The following ADK variants were observed in gnomAD, a reference collection of about 807,000 sequenced individuals.
ADK encodes adenosine kinase, also known as N6,N6-dimethyladenosine kinase.
ADK carries 24 observed loss-of-function variants against 44.7 expected under a neutral mutation model. That is an observed-to-expected ratio of 0.54 (90% CI 0.39 to 0.76). The LOEUF (loss-of-function observed/expected upper bound fraction) is 0.76, where lower values mean the gene tolerates loss of function less well. ADK is among the 30% of genes least tolerant of loss of function. The pLI is 0.00. For synonymous variants in ADK, 128 were observed against 142.6 expected, an observed-to-expected ratio of 0.90 and a Z score of 0.73; for missense variants, 321 against 425.1, an observed-to-expected ratio of 0.76 and a Z score of 2.15.
chr10:74,590,395 T>C (rs1851676530), intron 8 of ADK, among the ~76,000 whole-genome samples: 1 of 152,136 alleles, frequency 6.6e-6, no homozygotes, highest in South Asian at 2.1e-4. Flanking sequence ...TTTGTGAAAC[T>C]CTTTTTAAAT....
intron 1 of ADK, among the ~76,000 whole-genome samples, chr10:74,196,573 A>G (rs529470122): frequency 2.0e-5 from 3 of 152,164 alleles, no homozygotes; most frequent in Non-Finnish European, 4.4e-5. Context: ...AATCTTTTCT[A>G]TATTACAGTT....
chr10:74,388,418 T>C (rs552106096), intron 4 of ADK, among the ~76,000 whole-genome samples: 1 of 152,338 alleles, frequency 6.6e-6, no homozygotes, highest in South Asian at 2.1e-4. Flanking sequence ...AGAGTTTGGT[T>C]GGGATTGCAT....
intron 3 of ADK, among the ~76,000 whole-genome samples, chr10:74,262,042 G>A (rs891532413): frequency 1.3e-5 from 2 of 152,092 alleles, no homozygotes; most frequent in Admixed American, 1.3e-4. Context: ...TCATGGGCCG[G>A]GTGTGGTGGC....
At chr10:74,223,465 T>C (rs953447359) in intron 2 of ADK, among the ~76,000 whole-genome samples, 1 of 152,194 alleles carries the variant, frequency 6.6e-6, no homozygotes, top group African/African-American at 2.4e-5. Flanking sequence ...TTAAAGGTAC[T>C]TGTGAAAGAG....
chr10:74,669,205 C>G (rs1385693012), intron 9 of ADK, among the ~76,000 whole-genome samples: 1 of 151,786 alleles, frequency 6.6e-6, no homozygotes, highest in East Asian at 1.9e-4. Flanking sequence ...TGAAGATTCT[C>G]TATGCTCTTT....
intron 9 of ADK, among the ~76,000 whole-genome samples, chr10:74,669,496 C>CT (rs1246499816): frequency 6.6e-6 from 1 of 152,214 alleles, no homozygotes; most frequent in African/African-American, 2.4e-5. Flanking sequence ...CTGGTCCAGA[C>CT]TACTCTAGGG....
chr10:74,622,399 T>A (rs891513105), intron 9 of ADK, among the ~76,000 whole-genome samples: 1 of 152,196 alleles, frequency 6.6e-6, no homozygotes, highest in African/African-American at 2.4e-5. Flanking sequence ...TTTGACTACC[T>A]TGTCAGCTCT....
At chr10:74,366,335 A>G (rs1207318185) in intron 4 of ADK, among the ~76,000 whole-genome samples, 2 of 152,198 alleles carry the variant, frequency 1.3e-5, no homozygotes, top group East Asian at 3.9e-4. Context: ...CTAAAATGCA[A>G]TTAATAAAAG....
At chr10:74,385,143 A>G (rs1351315509) in intron 4 of ADK, among the ~76,000 whole-genome samples, 2 of 152,218 alleles carry the variant, frequency 1.3e-5, no homozygotes, top group Admixed American at 1.3e-4. Flanking sequence ...ACTGAATTGT[A>G]TATTTTAAAG....
At chr10:74,189,205 A>AT (rs1564581486) in intron 1 of ADK, among the ~76,000 whole-genome samples, 2 of 151,930 alleles carry the variant, frequency 1.3e-5, no homozygotes, top group African/African-American at 4.8e-5. Flanking sequence ...TTCCATTGTG[A>AT]TTTTTCTGGT....
chr10:74,677,364 C>T (rs1589361890), intron 10 of ADK, among the ~76,000 whole-genome samples: 1 of 152,170 alleles, frequency 6.6e-6, no homozygotes, highest in East Asian at 1.9e-4. Context: ...CATGTGGCAC[C>T]TATCTATACT....
chr10:74,283,345 A>G (rs1327553398), intron 3 of ADK, among the ~76,000 whole-genome samples: 2 of 151,210 alleles, frequency 1.3e-5, no homozygotes, highest in Non-Finnish European at 2.9e-5. Context: ...GCTTCTTCCT[A>G]GTTTGACTTT....
intron 4 of ADK, among the ~76,000 whole-genome samples, chr10:74,323,274 T>C (rs1317414603): frequency 6.6e-6 from 1 of 152,240 alleles, no homozygotes; most frequent in Admixed American, 6.5e-5. Flanking sequence ...CAGACTTTTC[T>C]GAAAGAGTCT....
chr10:74,511,344 G>A (rs1848315746), intron 6 of ADK, among the ~76,000 whole-genome samples: 1 of 152,130 alleles, frequency 6.6e-6, no homozygotes, highest in South Asian at 2.1e-4. Context: ...CAGCTATTCA[G>A]GGTTTTCTAT....
chr10:74,311,822 T>C (rs1840441891), intron 3 of ADK, among the ~76,000 whole-genome samples: 1 of 152,190 alleles, frequency 6.6e-6, no homozygotes, highest in Non-Finnish European at 1.5e-5. Flanking sequence ...ATTGGAAATA[T>C]ATCACTTTTC....
At chr10:74,634,708 G>T (rs888059410) in intron 9 of ADK, among the ~76,000 whole-genome samples, 9 of 152,094 alleles carry the variant, frequency 5.9e-5, no homozygotes, top group African/African-American at 2.2e-4. Flanking sequence ...ACTTTTGGAA[G>T]CCAGGGTGGG....
chr10:74,493,432 CTATA>C (rs138316558), intron 6 of ADK, among the ~76,000 whole-genome samples: 82 of 146,588 alleles, frequency 5.6e-4, no homozygotes, highest in African/African-American at 1.5e-3. Context: ...TAGACCTCAT[CTATA>C]TATATATATA....
chr10:74,205,958 A>G (rs1293543749), intron 2 of ADK, among the ~76,000 whole-genome samples: 2 of 152,224 alleles, frequency 1.3e-5, no homozygotes, highest in African/African-American at 4.8e-5. Flanking sequence ...AAATGTCTAC[A>G]GTTTATTGTA....
In ADK at chr10:74,400,403, G is replaced by C. The variant is rs11818734; in HGVS notation, c.555+1824G>C. Among the ~76,000 whole-genome samples the C allele has an allele frequency of 5.1e-3, 774 of 152,256 alleles. 12 individuals are homozygous for C. Among genetic ancestry groups the C allele is most frequent in the African/African-American group, 0.017 (722 of 41,562 alleles). On this transcript the variant is annotated intron_variant, in intron 6 of 10. Coordinates refer to ENST00000539909, the MANE Select transcript of ADK (RefSeq NM_006721.4). ...ATACCTGGGACGCTGTATATTCTTAGTGAACATTCAACAAATATTTACTTG... is the reference window on the plus strand; with the variant it reads ...ATACCTGGGACGCTGTATATTCTTACTGAACATTCAACAAATATTTACTTG...
Sources: gnomAD v4.1 joint callset for allele counts (sites outside exome capture counted in the v4.1 genomes callset) on GRCh38, gnomAD v4.1.1 for gene constraint, MANE v1.5 for transcripts, NCBI Gene and HGNC (gene_info 2026-07-23, HGNC 2026-07-21) for gene names.